Variants in BATF3 observed in about 807,000 individuals in gnomAD.
The protein encoded by BATF3 is basic leucine zipper transcriptional factor ATF-like 3.
A neutral mutation model predicts 16.1 loss-of-function variants in BATF3; 8 were observed. The observed-to-expected ratio is 0.50, with a 90% CI of 0.29 to 0.90. BATF3 has a LOEUF of 0.90. Among genes scored for constraint, BATF3 ranks in the 40% least tolerant of loss-of-function variants. The pLI is 0.08. For synonymous variants in BATF3, 74 were observed against 72.7 expected (o/e 1.02, Z -0.09); for missense variants, 139 against 167.0 (o/e 0.83, Z 0.92).
Position 212,686,905 on chromosome 1 carries a change from G to A in BATF3, c.270C>T (p.His90=), listed in dbSNP as rs1043689021. 1 of 1,614,192 alleles carries A rather than the reference G, an allele frequency of 6.2e-7. No homozygotes were observed. The highest frequency in any genetic ancestry group is 8.5e-7 in the Non-Finnish European group (1 of 1,180,020). The change falls in exon 3 of 3, where the codon CAC becomes CAT. Residue 90 remains histidine, a synonymous_variant. Transcript: ENST00000243440. ...EIGKLTEELK[H]LTEALKEHEK... is the part of the protein sequence containing the mutation. ...CGTGCTCCTTCAGTGCCTCTGTCAG[G>A]TGCTTCAGCTCCTCTGTCAGCTTCC... is the stretch of plus-strand genomic sequence containing the variant.
intron 2 of BATF3, among the ~76,000 whole-genome samples, chr1:212,687,260 C>A (rs1049895720): frequency 6.6e-6 from 1 of 152,134 alleles, no homozygotes; most frequent in African/African-American, 2.4e-5. Flanking sequence ...GATCAATACA[C>A]GGAACATTTC....
In BATF3 at chr1:212,686,819, T is replaced by C. The variant is rs747426937; in HGVS notation, c.356A>G (p.Asp119Gly). The change falls in exon 3 of 3, where the codon GAC (aspartate) becomes GGC (glycine). Residue 119 changes from aspartate to glycine, a missense_variant. Transcript: ENST00000243440. ...MNFVPVPPRP[D>G]PVAGCLPR is the part of the protein sequence containing the mutation. ...TCGGGGCAAGCAGCCGGCCACAGGG[T>C]CCGGCCGGGGAGGCACTGGCACAAA... The C allele has an allele frequency of 1.1e-5, 18 of 1,612,960 alleles. No homozygotes were observed. The Admixed American group carries it at 2.7e-4, about 24-fold the overall frequency.
chr1:212,693,716 C>A (rs1428584893), intron 2 of BATF3, among the ~76,000 whole-genome samples: 1 of 152,206 alleles, frequency 6.6e-6, no homozygotes, highest in Non-Finnish European at 1.5e-5. Flanking sequence ...GGTGGCACCA[C>A]TCTGAAGTTC....
At chr1:212,696,536 A>G (rs1657136667) in intron 2 of BATF3, among the ~76,000 whole-genome samples, 1 of 152,014 alleles carries the variant, frequency 6.6e-6, no homozygotes, top group African/African-American at 2.4e-5. Flanking sequence ...GGTAGCAGAA[A>G]TTAAATCACA....
intron 1 of BATF3, chr1:212,697,892 A>G (rs1657169793): frequency 6.6e-6 from 1 of 152,230 alleles, no homozygotes; most frequent in Non-Finnish European, 1.5e-5. Context: ...AGACACCACC[A>G]AGCGGGAAAA....
Position 212,699,552 on chromosome 1 carries a change from G to T in BATF3, c.90+121C>A. The T allele has an allele frequency of 2.6e-6, 2 of 771,438 alleles. No individual in the cohort carries two copies. The highest frequency in any genetic ancestry group is 3.5e-6 in the Non-Finnish European group (2 of 572,856). The allele number at this position is 771,438 out of a possible 1,614,324, so 47.8% of individuals were successfully genotyped here. The stretch of plus-strand genomic sequence containing the variant: ...CCCCTACCTCTGCTTGTCTCCGGCC[G>T]CACCCGCCACCTCTGCACCTCCGCA... On this transcript the variant is annotated intron_variant, in intron 1 of 2. Coordinates refer to ENST00000243440, the MANE Select transcript of BATF3 (RefSeq NM_018664.3). This position sits in a 1 kb window ranked among gnomAD's most constrained non-coding sequence, Gnocchi z 4.4.
At chr1:212,688,159 A>T (rs931447609) in intron 2 of BATF3, among the ~76,000 whole-genome samples, 7 of 152,168 alleles carry the variant, frequency 4.6e-5, no homozygotes, top group Non-Finnish European at 8.8e-5. Flanking sequence ...ATAGAACCAC[A>T]TCTAGTAGAT....
Position 212,699,803 on chromosome 1 carries a change from C to CGCGCCCTGCCCGT in BATF3, c.-54_-42dup, listed in dbSNP as rs1435437733. 1 of 1,142,158 alleles carries CGCGCCCTGCCCGT rather than the reference C, an allele frequency of 8.8e-7. No individual in the cohort carries two copies. Among genetic ancestry groups the CGCGCCCTGCCCGT allele is most frequent in the East Asian group, 4.1e-5 (1 of 24,564 alleles). The allele number at this position is 1,142,158 out of a possible 1,614,324, so 70.8% of individuals were successfully genotyped here. The stretch of plus-strand genomic sequence containing the variant: ...GGCCCGGCCCGCCCCGCCCCGCCCG[C>CGCGCCCTGCCCGT]GCGCCCTGCCCGTGGGGCTGCCTAC... On this transcript the variant is annotated 5_prime_UTR_variant, in exon 1 of 3. Coordinates refer to ENST00000243440, the MANE Select transcript of BATF3 (RefSeq NM_018664.3). The surrounding 1 kb of genome is among the most constrained non-coding windows in gnomAD (Gnocchi z 4.4).
In BATF3 at chr1:212,699,706, G is replaced by T; in HGVS notation, c.57C>A (p.Pro19=). ...GSVLQRSVAA[P]GNQPQPQPQQ... The stretch of plus-strand genomic sequence containing the variant: ...GCGGCTGCGGCTGCGGCTGGTTCCC[G>T]GGCGCCGCGACGCTCCTCTGCAGGA... Residue 19 remains proline, a synonymous_variant, in exon 1 of 3, where the codon CCC becomes CCA. Transcript: ENST00000243440. The surrounding 1 kb of genome is among the most constrained non-coding windows in gnomAD (Gnocchi z 4.4). 1 of 1,348,898 alleles carries T rather than the reference G, an allele frequency of 7.4e-7. No homozygotes were observed. Among genetic ancestry groups the T allele is most frequent in the South Asian group, 1.8e-5 (1 of 54,986 alleles). 83.6% of individuals were successfully genotyped at this position (1,348,898 alleles called of 1,614,324 possible). A position where few individuals can be genotyped will look rare whatever the true frequency, so the allele number is the denominator to read the frequency against.
rs570897458 is a variant in BATF3 at position 212,699,259 on chromosome 1, C to G, written c.90+414G>C. On this transcript the variant is annotated intron_variant, in intron 1 of 2. Coordinates refer to ENST00000243440, the MANE Select transcript of BATF3 (RefSeq NM_018664.3). This position sits in a 1 kb window ranked among gnomAD's most constrained non-coding sequence, Gnocchi z 4.4. ...CGTTCTCCATTCCCGCGGCAGCACC[C>G]CCCCCACCCGGGGGAATCCTGGAGG... 2.1e-4 allele frequency among the ~76,000 whole-genome samples: 32 copies of G among 152,270 alleles called. No individual in the cohort carries two copies. The highest frequency in any genetic ancestry group is 7.7e-4 in the African/African-American group (32 of 41,568).
At chr1:212,693,523 G>A (rs142189964) in intron 2 of BATF3, among the ~76,000 whole-genome samples, 3 of 152,298 alleles carry the variant, frequency 2.0e-5, no homozygotes, top group Non-Finnish European at 4.4e-5. Flanking sequence ...GCCCCACAGA[G>A]AGAGAGGAGA....
In BATF3 at chr1:212,689,721, A is replaced by G. The variant is rs545164117; in HGVS notation, c.196-2742T>C. Among the ~76,000 whole-genome samples the G allele has an allele frequency of 2.6e-3, 398 of 151,942 alleles. 2 individuals are homozygous for G. Among genetic ancestry groups the G allele is most frequent in the African/African-American group, 9.2e-3 (380 of 41,442 alleles). On this transcript the variant is annotated intron_variant, in intron 2 of 2. Transcript: ENST00000243440. The surrounding 1 kb of genome is among the most constrained non-coding windows in gnomAD (Gnocchi z 4.6). ...TGCAAACACACACTCACACACTCTC[A>G]TACACATTCACACACTCTTACACAC...
rs952035507 is a variant in BATF3, at chr1:212,689,420, G to A, written c.196-2441C>T. 2.0e-5 allele frequency among the ~76,000 whole-genome samples: 3 copies of A among 152,176 alleles called. No homozygotes were observed. Among genetic ancestry groups the A allele is most frequent in the African/African-American group, 7.2e-5 (3 of 41,446 alleles). The stretch of plus-strand genomic sequence containing the variant: ...CAGGGTGGTCTGGAGCACTCTCCAG[G>A]GCAGCAAGCTGTTCTGGGGCCATGT... On this transcript the variant is annotated intron_variant, in intron 2 of 2. Coordinates refer to ENST00000243440, the MANE Select transcript of BATF3 (RefSeq NM_018664.3). This position sits in a 1 kb window ranked among gnomAD's most constrained non-coding sequence, Gnocchi z 4.6.
chr1:212,699,777 TGGCCC>T lies in BATF3; in HGVS notation c.-20_-16del, dbSNP rs946970993. 6.6e-6 allele frequency: 8 copies of T among 1,214,354 alleles called. No homozygotes were observed. Among genetic ancestry groups the T allele is most frequent in the African/African-American group, 3.2e-5 (2 of 62,458 alleles). The allele number at this position is 1,214,354 out of a possible 1,614,324, so 75.2% of individuals were successfully genotyped here. A position where few individuals can be genotyped will look rare whatever the true frequency, so the allele number is the denominator to read the frequency against. ...CCTTGCGACATGCCGGGCGCTCCTC[TGGCCC>T]GGCCCGCCCCGCCCCGCCCGCGCGC... On this transcript the variant is annotated 5_prime_UTR_variant, in exon 1 of 3. Coordinates refer to ENST00000243440, the MANE Select transcript of BATF3 (RefSeq NM_018664.3). The surrounding 1 kb of genome is among the most constrained non-coding windows in gnomAD (Gnocchi z 4.4).
At chr1:212,692,105 C>G (rs1446118731) in intron 2 of BATF3, among the ~76,000 whole-genome samples, 1 of 152,204 alleles carries the variant, frequency 6.6e-6, no homozygotes, top group East Asian at 1.9e-4. Context: ...GCCTGTGCAG[C>G]CTCTTCCCCC....
At chr1:212,696,826 G>C in intron 2 of BATF3, 135 bp downstream of exon 2, 3 of 687,274 alleles carry the variant, frequency 4.4e-6, no homozygotes. Flanking sequence ...TGAGAACACT[G>C]GGCTGGAAGG....
chr1:212,688,865 C>T (rs1007377717), intron 2 of BATF3, among the ~76,000 whole-genome samples: 2 of 152,208 alleles, frequency 1.3e-5, no homozygotes, highest in Admixed American at 6.5e-5. Flanking sequence ...AATTGCGTTA[C>T]TCATCACACT....
chr1:212,691,995 C>T (rs3754478), intron 2 of BATF3, among the ~76,000 whole-genome samples: 17 of 152,356 alleles, frequency 1.1e-4, no homozygotes, highest in African/African-American at 3.4e-4. Context: ...TACAGACACA[C>T]GTTAAGAACT....
intron 2 of BATF3, among the ~76,000 whole-genome samples, chr1:212,688,001 AAGGAAGGAAGGAAGGAAGGAAGG>A (rs1656894605): frequency 1.0e-5 from 1 of 99,594 alleles, no homozygotes; most frequent in Non-Finnish European, 2.2e-5. Flanking sequence ...GAAAGAAAGG[AAGGAAGGAAGGAAGGAAGGAAGG>A]AAGGAAGGAA....
Sources: gnomAD v4.1 joint callset for allele counts (sites outside exome capture counted in the v4.1 genomes callset) on GRCh38, gnomAD v4.1.1 for gene constraint, Gnocchi (gnomAD v3.1) non-coding constraint, MANE v1.5 for transcripts, NCBI Gene and HGNC (gene_info 2026-07-23, HGNC 2026-07-21) for gene names.